The following CCNE2 variants were observed in gnomAD, a reference collection of about 807,000 sequenced individuals.
The protein encoded by CCNE2 is G1/S-specific cyclin-E2.
CCNE2 carries 18 observed loss-of-function variants against 56.8 expected under a neutral mutation model. The ratio of observed to expected loss-of-function variants is 0.32; its 90% confidence interval spans 0.22 to 0.47. CCNE2 has a LOEUF of 0.47. Ranked by LOEUF, CCNE2 falls within the 20% of genes least tolerant of loss-of-function variation. The pLI is 1.00. For missense variants in CCNE2, 371 were observed against 467.1 expected (o/e 0.79, Z 1.90); for synonymous variants, 139 against 149.2 (o/e 0.93, Z 0.50).
rs755383915 is a variant in CCNE2 at position 94,885,448 on chromosome 8, CAT to C, written c.696+13_696+14del. On this transcript the variant is annotated intron_variant, in intron 8 of 11. Transcript: ENST00000308108. ...GGTTTCTTTTTTGCAACTAGGAAAA[CAT>C]AATTATTATTACCTTTAATATAATG... 2 of 1,478,726 alleles carry C rather than the reference CAT, an allele frequency of 1.4e-6. No individual in the cohort carries two copies. The highest frequency in any genetic ancestry group is 1.2e-5 in the South Asian group (1 of 82,452). 91.6% of individuals were successfully genotyped at this position (1,478,726 alleles called of 1,614,324 possible). A position where few individuals can be genotyped will look rare whatever the true frequency, so the allele number is the denominator to read the frequency against.
At chr8:94,887,363 G>A (rs1031013479) in intron 7 of CCNE2, among the ~76,000 whole-genome samples, 3 of 152,034 alleles carry the variant, frequency 2.0e-5, no homozygotes, top group Non-Finnish European at 4.4e-5. Context: ...AAATCAGCTG[G>A]GCGTGGTGGC....
chr8:94,885,865 T>C (rs1817019193), intron 7 of CCNE2, among the ~76,000 whole-genome samples: 1 of 151,764 alleles, frequency 6.6e-6, no homozygotes, highest in Admixed American at 6.6e-5. Context: ...GTTACAGGTG[T>C]GTGCCACTGT....
chr8:94,895,828 G>C (rs1304435752), upstream of CCNE2: 2 of 152,398 alleles, frequency 1.3e-5, no homozygotes, highest in Admixed American at 6.5e-5. Context: ...GGCCAAGTGC[G>C]GCTCTGCTCT....
In CCNE2 at chr8:94,881,421, G is replaced by T; in HGVS notation, c.*211C>A. On this transcript the variant is annotated 3_prime_UTR_variant, in exon 12 of 12. Transcript: ENST00000308108. ...GGAATGAAGACATCTTTGTAAACAA[G>T]TCCTGCTGTTTCTTTAACAGCTAAC... is the stretch of plus-strand genomic sequence containing the variant. 1 of 546,612 alleles carries T rather than the reference G, an allele frequency of 1.8e-6. No homozygotes were observed. The highest frequency in any genetic ancestry group is 3.2e-6 in the Non-Finnish European group (1 of 313,288). The allele number at this position is 546,612 out of a possible 1,614,324, so 33.9% of individuals were successfully genotyped here.
At chr8:94,894,274 G>A (rs999689754) in intron 1 of CCNE2, 27 bp from the exon 2 acceptor site, 4 of 1,609,288 alleles carry the variant, frequency 2.5e-6, no homozygotes, top group Non-Finnish European at 2.5e-6. Context: ...AAAAGCCGCA[G>A]TCAAGTACAT....
chr8:94,885,243 C>T, intron 8 of CCNE2, 42 bp from the exon 9 acceptor site: 1 of 1,535,804 alleles, frequency 6.5e-7, no homozygotes, highest in Non-Finnish European at 9.0e-7. Context: ...TGAATGTAGA[C>T]ACATACACCA....
At chr8:94,895,090 T>A in intron 1 of CCNE2, 87 bp downstream of exon 1, 1 of 782,554 alleles carries the variant, frequency 1.3e-6, no homozygotes, top group Non-Finnish European at 1.6e-6. Context: ...CCGATTTTCC[T>A]CCCTGAGGCT....
Position 94,895,196 on chromosome 8 carries a change from C to G in CCNE2, c.-46G>C. The stretch of plus-strand genomic sequence containing the variant: ...CCTCACCGCCAGACCAGCTACCGCT[C>G]GGCTCAGCTGGCGCCGGCGCCAACC... On this transcript the variant is annotated 5_prime_UTR_variant, in exon 1 of 12. Coordinates refer to ENST00000308108, the MANE Select transcript of CCNE2 (RefSeq NM_057749.3). 1 of 985,956 alleles carries G rather than the reference C, an allele frequency of 1.0e-6. No individual in the cohort carries two copies. Among genetic ancestry groups the G allele is most frequent in the Non-Finnish European group, 1.2e-6 (1 of 830,390 alleles). 61.1% of individuals were successfully genotyped at this position (985,956 alleles called of 1,614,324 possible). A position where few individuals can be genotyped will look rare whatever the true frequency, so the allele number is the denominator to read the frequency against.
At chr8:94,886,424 G>A (rs1038809538) in intron 7 of CCNE2, among the ~76,000 whole-genome samples, 4 of 151,834 alleles carry the variant, frequency 2.6e-5, no homozygotes, top group South Asian at 2.1e-4. Flanking sequence ...ACACCCTGCC[G>A]GGTGCAGTGC....
chr8:94,883,001 C>G, intron 9 of CCNE2, 109 bp from the exon 10 acceptor site: 1 of 675,846 alleles, frequency 1.5e-6, no homozygotes, highest in South Asian at 1.7e-5. Context: ...CCCGGCCAGG[C>G]GCGGTGGCTC....
chr8:94,883,892 G>A (rs1816928616), intron 9 of CCNE2: 1 of 456,096 alleles, frequency 2.2e-6, no homozygotes, highest in African/African-American at 2.0e-5. Context: ...GTCCTCATTG[G>A]TCCAGAAGGT....
intron 9 of CCNE2, chr8:94,884,816 T>A: frequency 3.1e-6 from 1 of 318,144 alleles, no homozygotes; most frequent in South Asian, 7.1e-5. Context: ...CCCCATTTTA[T>A]ATCAAAAAGA....
At chr8:94,883,275 CAAA>C (rs111261848) in intron 9 of CCNE2, among the ~76,000 whole-genome samples, 2 of 99,022 alleles carry the variant, frequency 2.0e-5, no homozygotes, top group Non-Finnish European at 4.1e-5. Flanking sequence ...GACTCCGTCT[CAAA>C]AAAAAAAAAA....
chr8:94,895,588 A>G (rs1244412303), upstream of CCNE2, among the ~76,000 whole-genome samples: 1 of 152,150 alleles, frequency 6.6e-6, no homozygotes, highest in Non-Finnish European at 1.5e-5. Context: ...ACAGGGGGAC[A>G]CGACTCGGGC....
At chr8:94,894,749 C>T (rs927918964) in intron 1 of CCNE2, 1 of 152,812 alleles carries the variant, frequency 6.5e-6, no homozygotes, top group East Asian at 1.9e-4. Flanking sequence ...AGTCTCCTTT[C>T]CCTCCTTCCC....
rs1267452310 is a variant in CCNE2, at chr8:94,880,273, G to T, written c.*1359C>A. ...TTTAACTTTTATTTTTTAAACAATG[G>T]GCTAAAAATAAACAGTATTAAAAGG... is the stretch of plus-strand genomic sequence containing the variant. On this transcript the variant is annotated 3_prime_UTR_variant, in exon 12 of 12. Transcript: ENST00000308108. The T allele has an allele frequency of 3.7e-6, 4 of 1,078,886 alleles. 1 individual carries two copies. In the South Asian group the frequency reaches 5.4e-5, roughly 15 times the overall value. 66.8% of individuals were successfully genotyped at this position (1,078,886 alleles called of 1,614,324 possible). A position where few individuals can be genotyped will look rare whatever the true frequency, so the allele number is the denominator to read the frequency against.
intron 7 of CCNE2, among the ~76,000 whole-genome samples, chr8:94,886,871 T>A (rs1188846888): frequency 6.6e-6 from 1 of 152,214 alleles, no homozygotes; most frequent in Admixed American, 6.5e-5. Flanking sequence ...GTCTCCCACA[T>A]AGGAGAACAG....
At chr8:94,894,168 C>A (rs775958073) in intron 2 of CCNE2, 40 bp downstream of exon 2, 1 of 1,612,958 alleles carries the variant, frequency 6.2e-7, no homozygotes, top group Non-Finnish European at 8.5e-7. Flanking sequence ...TTAAAGGCAG[C>A]AACTAATTTG....
In CCNE2 at chr8:94,882,770, G is replaced by C. The variant is rs765935700; in HGVS notation, c.943+11C>G. 8 of 1,555,258 alleles carry C rather than the reference G, an allele frequency of 5.1e-6. No individual in the cohort carries two copies. In the African/African-American group the frequency reaches 9.5e-5, roughly 18 times the overall value. On this transcript the variant is annotated intron_variant, in intron 10 of 11. Coordinates refer to ENST00000308108, the MANE Select transcript of CCNE2 (RefSeq NM_057749.3). ...TGAAAAGGTAAGAAGACAACAAATAGAGAGTCTTACCTGAGGCTTTCTTAA... is the reference window on the plus strand; with the variant it reads ...TGAAAAGGTAAGAAGACAACAAATACAGAGTCTTACCTGAGGCTTTCTTAA...
Sources: allele counts gnomAD v4.1 joint callset (sites outside exome capture counted in the v4.1 genomes callset), GRCh38; gene constraint gnomAD v4.1.1; transcripts MANE v1.5; gene names NCBI Gene and HGNC (gene_info 2026-07-23, HGNC 2026-07-21).